Variants in LUC7L2 observed in about 807,000 individuals in gnomAD.
The protein encoded by LUC7L2 is putative RNA-binding protein Luc7-like 2.
LUC7L2 carries 25 observed loss-of-function variants against 52.8 expected under a neutral mutation model. The ratio of observed to expected loss-of-function variants is 0.47; its 90% CI spans 0.34 to 0.66. The LOEUF (loss-of-function observed/expected upper bound fraction) is 0.66. Ranked by LOEUF, LUC7L2 falls within the 30% of genes least tolerant of loss-of-function variation. LUC7L2 has a pLI of 0.01. For missense variants in LUC7L2, 328 were observed against 497.8 expected (o/e 0.66, Z 3.25); for synonymous variants, 144 against 160.9 (o/e 0.89, Z 0.80).
intron 2 of LUC7L2, 80 bp downstream of exon 2, chr7:139,376,236 C>T: frequency 7.0e-7 from 1 of 1,419,562 alleles, no homozygotes; most frequent in Non-Finnish European, 9.8e-7. Flanking sequence ...AATTCTGTGT[C>T]AAAAGAATTG....
intron 8 of LUC7L2, chr7:139,416,338 T>C (rs1005746664): frequency 6.6e-6 from 1 of 151,884 alleles, no homozygotes; most frequent in African/African-American, 2.4e-5. Flanking sequence ...TCTTACCTTG[T>C]GGGTTTTTTT....
At chr7:139,408,983 A>G (rs1316845681) in intron 6 of LUC7L2, among the ~76,000 whole-genome samples, 1 of 151,298 alleles carries the variant, frequency 6.6e-6, no homozygotes. Context: ...CCCCATCTCC[A>G]CTAAAAAATA....
chr7:139,364,870 A>G (rs1176157719), intron 1 of LUC7L2, among the ~76,000 whole-genome samples: 7 of 152,244 alleles, frequency 4.6e-5, no homozygotes, highest in Admixed American at 3.9e-4. Context: ...TCTCATTAAC[A>G]TAATGAACCA....
Position 139,360,184 on chromosome 7 carries a change from T to G in LUC7L2, c.-78T>G. 1 of 1,068,582 alleles carries G rather than the reference T, an allele frequency of 9.4e-7. No individual in the cohort carries two copies. Among genetic ancestry groups the G allele is most frequent in the Non-Finnish European group, 1.4e-6 (1 of 738,446 alleles). The allele number at this position is 1,068,582 out of a possible 1,614,324, so 66.2% of individuals were successfully genotyped here. On this transcript the variant is annotated 5_prime_UTR_variant, in exon 1 of 10. Coordinates refer to ENST00000354926, the MANE Select transcript of LUC7L2 (RefSeq NM_016019.5). ...CGAGACAGCAGCGCACCTTCCCCCA[T>G]CCCTTCCCCTTATCCCCCAGCCCAA... is the stretch of plus-strand genomic sequence containing the variant.
chr7:139,423,220 CTCTAT>C lies in LUC7L2; in HGVS notation c.*884_*888del. 5.0e-6 allele frequency: 2 copies of C among 398,986 alleles called. No individual in the cohort carries two copies. Among genetic ancestry groups the C allele is most frequent in the Non-Finnish European group, 8.8e-6 (2 of 226,056 alleles). 24.7% of individuals were successfully genotyped at this position (398,986 alleles called of 1,614,324 possible). ...TAGAACTATTTGCTGTGGGCATTTCCTCTATTCTGTTACGTCATTAACAGTGCCTT... is the reference window on the plus strand; with the variant it reads ...TAGAACTATTTGCTGTGGGCATTTCCTCTGTTACGTCATTAACAGTGCCTT... On this transcript the variant is annotated 3_prime_UTR_variant, in exon 10 of 10. Transcript: ENST00000354926.
At chr7:139,347,385 C>G (rs1384974769) in intron 1 of LUC7L2, among the ~76,000 whole-genome samples, 2 of 152,100 alleles carry the variant, frequency 1.3e-5, no homozygotes, top group East Asian at 3.9e-4. Context: ...GTTGGGAGTT[C>G]CAGACCAGCC....
At chr7:139,347,392 A>G (rs1799303921) in intron 1 of LUC7L2, among the ~76,000 whole-genome samples, 1 of 152,174 alleles carries the variant, frequency 6.6e-6, no homozygotes, top group African/African-American at 2.4e-5. Flanking sequence ...GTTCCAGACC[A>G]GCCTGACCAA....
At chr7:139,349,218 A>G (rs778474458) in intron 1 of LUC7L2, among the ~76,000 whole-genome samples, 4 of 152,204 alleles carry the variant, frequency 2.6e-5, no homozygotes, top group Non-Finnish European at 5.9e-5. Context: ...AGTGTTCAAC[A>G]AAGAGAAAAT....
chr7:139,377,687 C>T (rs1007031047), intron 2 of LUC7L2, among the ~76,000 whole-genome samples: 2 of 151,682 alleles, frequency 1.3e-5, no homozygotes, highest in African/African-American at 2.4e-5. Flanking sequence ...CCACCGTGCC[C>T]GGCCCTAATT....
intron 8 of LUC7L2, 122 bp from the exon 9 acceptor site, chr7:139,417,416 G>GACTT: frequency 8.0e-7 from 1 of 1,245,630 alleles, no homozygotes; most frequent in Non-Finnish European, 1.1e-6. Context: ...AGATTTAGCT[G>GACTT]ACTTGGAATA....
chr7:139,422,446 C>A lies in LUC7L2; in HGVS notation c.*106C>A. 1 of 1,484,494 alleles carries A rather than the reference C, an allele frequency of 6.7e-7. No homozygotes were observed. The highest frequency in any genetic ancestry group is 8.9e-7 in the Non-Finnish European group (1 of 1,119,284). 92.0% of individuals were successfully genotyped at this position (1,484,494 alleles called of 1,614,324 possible). Reference sequence around the variant, plus strand: ...CAGTGAGCAGATCCAGACACCAGATCCAGCTAGGCTAGATGTACAGTATCT... The same window carrying A: ...CAGTGAGCAGATCCAGACACCAGATACAGCTAGGCTAGATGTACAGTATCT... On this transcript the variant is annotated 3_prime_UTR_variant, in exon 10 of 10. Transcript: ENST00000354926.
intron 9 of LUC7L2, among the ~76,000 whole-genome samples, chr7:139,419,125 A>C: frequency 8.3e-6 from 1 of 120,360 alleles, no homozygotes; most frequent in South Asian, 2.3e-4. Flanking sequence ...ACAAAAAAAA[A>C]CAAACAAAAA....
intron 1 of LUC7L2, chr7:139,371,505 T>C (rs1160231793): frequency 1.3e-6 from 2 of 1,546,470 alleles, no homozygotes; most frequent in Non-Finnish European, 8.7e-7. Flanking sequence ...CACCTAAATC[T>C]ATGAAAGTTG....
intron 1 of LUC7L2, among the ~76,000 whole-genome samples, chr7:139,362,491 T>C (rs1307929592): frequency 2.6e-5 from 4 of 152,074 alleles, no homozygotes; most frequent in African/African-American, 9.7e-5. Flanking sequence ...TGGGAACCCT[T>C]GTATTGGACA....
chr7:139,383,000 A>G lies in LUC7L2; in HGVS notation c.156+6844A>G, dbSNP rs191925621. On this transcript the variant is annotated intron_variant, in intron 2 of 9. Transcript: ENST00000354926. Reference sequence around the variant, plus strand: ...GAGTGCACTGGTGTCACCTCAGCTCACTGCAACCTCTGCTTCCTAGGCATA... The same window carrying G: ...GAGTGCACTGGTGTCACCTCAGCTCGCTGCAACCTCTGCTTCCTAGGCATA... Among the ~76,000 whole-genome samples, 5 of 152,092 alleles carry G rather than the reference A, an allele frequency of 3.3e-5. No homozygotes were observed. In the East Asian group the frequency reaches 9.7e-4, roughly 29 times the overall value.
chr7:139,415,071 T>TG lies in LUC7L2; in HGVS notation c.810-2467_810-2466insG, dbSNP rs1354595853. ...CCTGCTAAGTTTTTTTTTTTTTTTT[T>TG]TTTTTTTTTTTTGTATTTTTAGTAG... On this transcript the variant is annotated intron_variant, in intron 8 of 9. Transcript: ENST00000354926. 8.3e-3 allele frequency among the ~76,000 whole-genome samples: 1,170 copies of TG among 140,520 alleles called. 31 individuals are homozygous for TG. The highest frequency in any genetic ancestry group is 0.03 in the African/African-American group (1,129 of 37,088). The allele number at this position is 140,520 out of a possible 152,430, so 92.2% of individuals were successfully genotyped here.
At chr7:139,415,138 C>CTGA (rs1326740703) in intron 8 of LUC7L2, among the ~76,000 whole-genome samples, 1 of 146,952 alleles carries the variant, frequency 6.8e-6, no homozygotes, top group African/African-American at 2.5e-5. Context: ...TCTTGAACTC[C>CTGA]TGACCTCAAG....
chr7:139,340,738 G>A, intron 1 of LUC7L2: 1 of 380,592 alleles, frequency 2.6e-6, no homozygotes, highest in Non-Finnish European at 4.6e-6. Context: ...GGCCTCCTAA[G>A]CCAGGGATTG....
chr7:139,345,654 G>A (rs1221510156), intron 1 of LUC7L2: 1 of 1,614,176 alleles, frequency 6.2e-7, no homozygotes. Context: ...TGCTGGCTTG[G>A]TGGGTCTCAA....
Sources: allele counts gnomAD v4.1 joint callset (sites outside exome capture counted in the v4.1 genomes callset), GRCh38; gene constraint gnomAD v4.1.1; transcripts MANE v1.5; gene names NCBI Gene and HGNC (gene_info 2026-07-23, HGNC 2026-07-21).